The following TRPM2 variants were observed in gnomAD, a reference collection of about 807,000 sequenced individuals.
TRPM2 encodes estrogen-responsive element-associated gene 1 protein.
In TRPM2, 161 loss-of-function variants were observed where a neutral mutation model predicts 174.0. The observed-to-expected ratio is 0.93, with a 90% CI of 0.81 to 1.05. The LOEUF (loss-of-function observed/expected upper bound fraction) is 1.05, where lower values mean the gene tolerates loss of function less well. Among genes scored for constraint, TRPM2 ranks in the 50% least tolerant of loss-of-function variants. The pLI, the probability that TRPM2 is intolerant of heterozygous loss-of-function variation, is 0.00. For missense variants in TRPM2, 2,057 were observed against 2,038.0 expected, an observed-to-expected ratio of 1.01 and a Z score of -0.18; for synonymous variants, 954 against 861.3, an observed-to-expected ratio of 1.11 and a Z score of -1.88.
chr21:44,395,680 AGGGGTGTGG>A (rs1569058329), intron 12 of TRPM2, 129 bp downstream of exon 12: 17 of 460,412 alleles, frequency 3.7e-5, no homozygotes, highest in African/African-American at 3.1e-4. Context: ...AGGGGTGTGG[AGGGGTGTGG>A]AGGGCTGTGG....
upstream of TRPM2, among the ~76,000 whole-genome samples, chr21:44,352,049 A>G (rs987205260): frequency 1.3e-5 from 2 of 152,244 alleles, no homozygotes; most frequent in Non-Finnish European, 2.9e-5. Flanking sequence ...CTGGGGAGCC[A>G]CCTGCAGTCT....
intron 19 of TRPM2, 80 bp downstream of exon 19, chr21:44,406,845 G>C (rs1348004917): frequency 2.0e-6 from 3 of 1,512,912 alleles, no homozygotes; most frequent in Non-Finnish European, 1.8e-6. Flanking sequence ...GCATGAGTGG[G>C]AGTGAGGCCG....
intron 2 of TRPM2, among the ~76,000 whole-genome samples, chr21:44,360,502 A>C (rs1335986114): frequency 6.6e-6 from 1 of 152,186 alleles, no homozygotes; most frequent in East Asian, 1.9e-4. Flanking sequence ...TACATTCTGC[A>C]TAACTGTAGT....
intron 19 of TRPM2, among the ~76,000 whole-genome samples, chr21:44,407,651 G>C (rs926038460): frequency 1.3e-5 from 2 of 151,706 alleles, no homozygotes; most frequent in Non-Finnish European, 2.9e-5. Flanking sequence ...CTACTTGTGA[G>C]CTGCCTTTTC....
chr21:44,366,881 C>G lies in TRPM2; in HGVS notation c.551C>G (p.Pro184Arg), dbSNP rs377142675. The G allele has an allele frequency of 1.9e-6, 3 of 1,612,796 alleles. No homozygotes were observed. The East Asian group carries it at 6.7e-5, about 36-fold the overall frequency. Reference sequence around the variant, plus strand: ...GGGGCCAAGAACTTCAACATGAAGCCGCGGCTGAAGAGCATTTTCCGCAGA... The same window carrying G: ...GGGGCCAAGAACTTCAACATGAAGCGGCGGCTGAAGAGCATTTTCCGCAGA... ...TGGAKNFNMK[P>R]RLKSIFRRGL... Residue 184 changes from proline (P) to arginine (R), a missense_variant, in exon 4 of 32, where the codon CCG becomes CGG. Pro to Arg is a moderately radical substitution (Grantham distance 103, BLOSUM62 -2). Transcript: ENST00000397928. This position sits in a 1 kb window ranked among gnomAD's most constrained non-coding sequence, Gnocchi z 6.0.
chr21:44,372,142 A>G (rs2048560114), intron 5 of TRPM2, among the ~76,000 whole-genome samples: 1 of 151,434 alleles, frequency 6.6e-6, no homozygotes, highest in South Asian at 2.1e-4. Flanking sequence ...AACCAAACCA[A>G]ACAAAATGAT....
At chr21:44,406,831 G>T (rs1198394745) in intron 19 of TRPM2, 66 bp downstream of exon 19, 16 of 1,538,216 alleles carry the variant, frequency 1.0e-5, no homozygotes, top group Non-Finnish European at 1.3e-5. Context: ...GCTGGAAAGG[G>T]GCCGCATGAG....
chr21:44,379,542 G>A (rs952499360), intron 8 of TRPM2, among the ~76,000 whole-genome samples: 5 of 152,274 alleles, frequency 3.3e-5, no homozygotes, highest in African/African-American at 9.6e-5. Flanking sequence ...TCGGGCAGCA[G>A]GGCAGCTGCT....
intron 9 of TRPM2, among the ~76,000 whole-genome samples, chr21:44,390,039 A>AT (rs1289070252): frequency 6.6e-6 from 1 of 151,766 alleles, no homozygotes; most frequent in Non-Finnish European, 1.5e-5. Context: ...CGCCTGGCTA[A>AT]TTTTTTGTAT....
Position 44,391,613 on chromosome 21 carries a change from C to G in TRPM2, c.1782C>G (p.His594Gln). Residue 594 changes from histidine (H) to glutamine (Q), a missense_variant, in exon 11 of 32, where the codon CAC (histidine) becomes CAG (glutamine). Coordinates refer to ENST00000397928, the MANE Select transcript of TRPM2 (RefSeq NM_003307.4). This position sits in a 1 kb window ranked among gnomAD's most constrained non-coding sequence, Gnocchi z 5.0. ...TGCGGCTCCTGCTGCCCGTTCCCCA[C>G]GTCAAGCTCAACGTGCGTGCTGGTA... The part of the protein sequence containing the change: ...DRLRLLLPVP[H>Q]VKLNVQGVSL... 2 of 1,576,814 alleles carry G rather than the reference C, an allele frequency of 1.3e-6. No individual in the cohort carries two copies. Among genetic ancestry groups the G allele is most frequent in the South Asian group, 2.3e-5 (2 of 88,200 alleles).
At chr21:44,394,317 CTTTTT>C (rs35448660) in intron 11 of TRPM2, among the ~76,000 whole-genome samples, 2 of 112,680 alleles carry the variant, frequency 1.8e-5, no homozygotes, top group Admixed American at 8.9e-5. Context: ...AAACACATTT[CTTTTT>C]TTTTTTTTTT....
rs2048691469 is a variant in TRPM2, at chr21:44,376,095, A to G, written c.952+82A>G. 6.6e-6 allele frequency: 10 copies of G among 1,513,702 alleles called. No individual in the cohort carries two copies. Among genetic ancestry groups the G allele is most frequent in the Non-Finnish European group, 9.0e-6 (10 of 1,116,914 alleles). The allele number at this position is 1,513,702 out of a possible 1,614,324, so 93.8% of individuals were successfully genotyped here. On this transcript the variant is annotated intron_variant, in intron 6 of 31. Coordinates refer to ENST00000397928, the MANE Select transcript of TRPM2 (RefSeq NM_003307.4). This position sits in a 1 kb window ranked among gnomAD's most constrained non-coding sequence, Gnocchi z 4.2. ...GTGTCAGGTACAGCTGGTCACGACC[A>G]GGACGTTCAACAGGCCTGGCGTTTG... is the stretch of plus-strand genomic sequence containing the variant.
intron 5 of TRPM2, among the ~76,000 whole-genome samples, chr21:44,373,196 G>GA (rs1569029204): frequency 6.8e-6 from 1 of 147,608 alleles, no homozygotes; most frequent in Non-Finnish European, 1.5e-5. Context: ...TTTTCTTTTT[G>GA]TTTTTTTTTT....
rs1054040175 is a variant in TRPM2, at chr21:44,424,920, G to A, written c.3618G>A (p.Glu1206=). The A allele has an allele frequency of 4.4e-6, 7 of 1,606,272 alleles. No homozygotes were observed. The African/African-American group carries it at 8.0e-5, about 18-fold the overall frequency. ...RTLRASGFSS[E]ADVPTLASQK... ...TGCGGGCCAGCGGCTTCAGCTCGGAGGCGGACGTCCCCACTCTGGGTGAGT... is the reference window on the plus strand; with the variant it reads ...TGCGGGCCAGCGGCTTCAGCTCGGAAGCGGACGTCCCCACTCTGGGTGAGT... The change falls in exon 24 of 32, where the codon GAG becomes GAA. Residue 1206 remains glutamate (E), a synonymous_variant. Coordinates refer to ENST00000397928, the MANE Select transcript of TRPM2 (RefSeq NM_003307.4).
chr21:44,396,913 T>TGGAGGGGGGTGGAGGGGG (rs2049443871), intron 12 of TRPM2, among the ~76,000 whole-genome samples: 1 of 55,860 alleles, frequency 1.8e-5, no homozygotes, highest in Admixed American at 2.1e-4. Context: ...TGTGGAGGGG[T>TGGAGGGGGGTGGAGGGGG]GTGGAGGGGT....
Position 44,364,176 on chromosome 21 carries a change from A to G in TRPM2, c.317A>G (p.His106Arg), listed in dbSNP as rs779367660. Reference protein sequence around the residue: ...EQHLEEATKPHTFQGTQWDPK... With the variant: ...EQHLEEATKPRTFQGTQWDPK... ...CACTTGGAGGAGGCTACCAAGCCCC[A>G]CACCTTCCAGGGCACACAGTGGGAC... Residue 106 changes from histidine (H) to arginine (R), a missense_variant, in exon 3 of 32, where the codon CAC (histidine) becomes CGC (arginine). Coordinates refer to ENST00000397928, the MANE Select transcript of TRPM2 (RefSeq NM_003307.4). 29 of 1,614,056 alleles carry G rather than the reference A, an allele frequency of 1.8e-5. No homozygotes were observed. The highest frequency in any genetic ancestry group is 2.5e-5 in the Non-Finnish European group (29 of 1,180,030).
At chr21:44,400,516 G>A in intron 15 of TRPM2, 145 bp downstream of exon 15, 1 of 742,754 alleles carries the variant, frequency 1.3e-6, no homozygotes, top group Non-Finnish European at 2.2e-6. Flanking sequence ...GGGCTGTAGA[G>A]ATGGGGGTGG....
At position 44,369,151 on chromosome 21, in the gene TRPM2, C is replaced by T. The variant is rs372082129; in HGVS notation, c.605-26C>T. 542 of 1,571,170 alleles carry T rather than the reference C, an allele frequency of 3.4e-4. 2 individuals are homozygous for T. In the African/African-American group the frequency reaches 7.0e-3, roughly 20 times the overall value. On this transcript the variant is annotated intron_variant, in intron 4 of 31. Transcript: ENST00000397928. Reference sequence around the variant, plus strand: ...TCAGGTGCCCCTCAGTGCTGTGGGGCCTGCCCACCCGTGCTCCTTCCCCAG... The same window carrying T: ...TCAGGTGCCCCTCAGTGCTGTGGGGTCTGCCCACCCGTGCTCCTTCCCCAG...
At position 44,379,116 on chromosome 21, in the gene TRPM2, G is replaced by A. The variant is rs576659377; in HGVS notation, c.1134G>A (p.Leu378=). The A allele has an allele frequency of 6.2e-7, 1 of 1,613,576 alleles. No homozygotes were observed. Among genetic ancestry groups the A allele is most frequent in the African/African-American group, 1.3e-5 (1 of 75,058 alleles). ...CTGTCTCGGACATCACTATCTCCCT[G>A]ATCCAGCAGAAACTGAGCGTGTTCT... ...NLPVSDITIS[L]IQQKLSVFFQ... The change falls in exon 8 of 32, where the codon CTG becomes CTA. Residue 378 remains leucine (L), a synonymous_variant. Transcript: ENST00000397928.
Sources: gnomAD v4.1 joint callset for allele counts (sites outside exome capture counted in the v4.1 genomes callset) on GRCh38, gnomAD v4.1.1 for gene constraint, Gnocchi (gnomAD v3.1) non-coding constraint, MANE v1.5 for transcripts, NCBI Gene and HGNC (gene_info 2026-07-23, HGNC 2026-07-21) for gene names.